Variants in CHN1 observed in about 807,000 individuals in gnomAD.
The protein encoded by CHN1 is N-chimaerin.
In CHN1, 37 loss-of-function variants were observed where a neutral mutation model predicts 59.5. The ratio of observed to expected loss-of-function variants is 0.62; its 90% CI spans 0.48 to 0.82. The LOEUF (loss-of-function observed/expected upper bound fraction) is 0.82, where lower values mean the gene tolerates loss of function less well. Ranked by LOEUF, CHN1 falls within the 40% of genes least tolerant of loss-of-function variation. The pLI, the probability that CHN1 is intolerant of heterozygous loss-of-function variation, is 0.00. For synonymous variants in CHN1, 206 were observed against 200.4 expected, an observed-to-expected ratio of 1.03 and a Z score of -0.24; for missense variants, 469 against 571.0, an observed-to-expected ratio of 0.82 and a Z score of 1.82.
intron 3 of CHN1, among the ~76,000 whole-genome samples, chr2:174,924,471 TC>T (rs1406274467): frequency 6.6e-6 from 1 of 152,160 alleles, no homozygotes. Flanking sequence ...TTCTGTGAGA[TC>T]CCCCTCTCCA....
At chr2:174,885,055 A>C (rs1212601327) in intron 5 of CHN1, among the ~76,000 whole-genome samples, 1 of 151,958 alleles carries the variant, frequency 6.6e-6, no homozygotes, top group Non-Finnish European at 1.5e-5. Flanking sequence ...TGGGAGGCCA[A>C]GGTGGGCGGA....
At chr2:174,815,654 T>C (rs993049566) in intron 8 of CHN1, among the ~76,000 whole-genome samples, 2 of 151,954 alleles carry the variant, frequency 1.3e-5, no homozygotes, top group Non-Finnish European at 2.9e-5. Flanking sequence ...ATTTTTATGA[T>C]AGCTGCTTTT....
At chr2:174,939,235 T>C (rs888949286) in intron 3 of CHN1, among the ~76,000 whole-genome samples, 5 of 152,208 alleles carry the variant, frequency 3.3e-5, no homozygotes, top group Non-Finnish European at 5.9e-5. Context: ...TCAAGGTGAA[T>C]CATCAGAAAG....
intron 6 of CHN1, among the ~76,000 whole-genome samples, chr2:174,858,050 C>T (rs1686960379): frequency 6.6e-6 from 1 of 151,960 alleles, no homozygotes; most frequent in Non-Finnish European, 1.5e-5. Flanking sequence ...TCAGCAAACA[C>T]TCTATACTCA....
chr2:174,895,198 G>GTATATA (rs373448897), intron 5 of CHN1, among the ~76,000 whole-genome samples: 38 of 141,132 alleles, frequency 2.7e-4, no homozygotes, highest in Non-Finnish European at 4.8e-4. Flanking sequence ...GTGTGTGTGT[G>GTATATA]TATATATATA....
Position 174,878,146 on chromosome 2 carries a change from G to A in CHN1, c.261-18C>T. 2 of 1,497,652 alleles carry A rather than the reference G, an allele frequency of 1.3e-6. No individual in the cohort carries two copies. The highest frequency in any genetic ancestry group is 1.8e-6 in the Non-Finnish European group (2 of 1,120,682). The allele number at this position is 1,497,652 out of a possible 1,614,324, so 92.8% of individuals were successfully genotyped here. On this transcript the variant is annotated intron_variant, in intron 5 of 12. Transcript: ENST00000409900. ...TTCCAAATCTGCCTCAATGAAATGG[G>A]AAAGATGTTTTTAAGAAAAGTAAGC...
chr2:174,993,619 T>TA (rs1166867877), intron 1 of CHN1, among the ~76,000 whole-genome samples: 238 of 90,810 alleles, frequency 2.6e-3, no homozygotes, highest in South Asian at 3.9e-3. Context: ...GTACCAAAAC[T>TA]AAAAAAAAAA....
chr2:174,878,404 T>C (rs940896838), intron 5 of CHN1, among the ~76,000 whole-genome samples: 3 of 152,238 alleles, frequency 2.0e-5, no homozygotes, highest in African/African-American at 4.8e-5. Flanking sequence ...CACTTTATTA[T>C]ACCTGTGGAA....
intron 3 of CHN1, among the ~76,000 whole-genome samples, chr2:174,942,956 T>C (rs1356340552): frequency 6.6e-6 from 1 of 151,466 alleles, no homozygotes; most frequent in African/African-American, 2.4e-5. Flanking sequence ...GAGGCAGAGG[T>C]AGGAGTATCA....
intron 7 of CHN1, among the ~76,000 whole-genome samples, chr2:174,829,483 T>A (rs961370947): frequency 2.6e-5 from 4 of 152,254 alleles, no homozygotes; most frequent in African/African-American, 9.6e-5. Flanking sequence ...TTTACAGCAT[T>A]CATATCTCCA....
intron 6 of CHN1, among the ~76,000 whole-genome samples, chr2:174,860,962 A>G (rs918509553): frequency 6.6e-6 from 1 of 152,192 alleles, no homozygotes; most frequent in Admixed American, 6.5e-5. Flanking sequence ...GAAATAATAC[A>G]GACAGGGAGC....
Position 175,005,277 on chromosome 2 carries a change from G to A in CHN1, c.-365C>T, listed in dbSNP as rs1460113091. 3 of 1,169,230 alleles carry A rather than the reference G, an allele frequency of 2.6e-6. No individual in the cohort carries two copies. Among genetic ancestry groups the A allele is most frequent in the Admixed American group, 4.8e-5 (1 of 20,990 alleles). 72.4% of individuals were successfully genotyped at this position (1,169,230 alleles called of 1,614,324 possible). A position where few individuals can be genotyped will look rare whatever the true frequency, so the allele number is the denominator to read the frequency against. On this transcript the variant is annotated 5_prime_UTR_variant, in exon 1 of 13. Transcript: ENST00000409900. ...CGGCGCCGCACTGGCGGCGGCGGCG[G>A]CGGCGACGGGGAGAGCAGCAGCAGC...
At chr2:174,948,123 A>G (rs1473991681) in intron 2 of CHN1, among the ~76,000 whole-genome samples, 6 of 152,186 alleles carry the variant, frequency 3.9e-5, no homozygotes, top group Non-Finnish European at 7.3e-5. Context: ...AAAGATCACA[A>G]ATTGGTATCT....
At chr2:174,970,025 C>T (rs1690712085) in intron 1 of CHN1, among the ~76,000 whole-genome samples, 1 of 152,138 alleles carries the variant, frequency 6.6e-6, no homozygotes, top group East Asian at 1.9e-4. Flanking sequence ...AAAGCAGTGG[C>T]AATTAGGCTG....
intron 6 of CHN1, among the ~76,000 whole-genome samples, chr2:174,866,039 A>G (rs1299639973): frequency 6.6e-6 from 1 of 152,222 alleles, no homozygotes; most frequent in Non-Finnish European, 1.5e-5. Flanking sequence ...CCCATTAAAA[A>G]GTTGGTTATT....
chr2:174,878,193 AAAAC>A, intron 5 of CHN1, 65 bp from the exon 6 acceptor site: 6 of 1,375,580 alleles, frequency 4.4e-6, no homozygotes, highest in African/African-American at 4.4e-5. Context: ...TTCTGAAAAA[AAAAC>A]AAAAACAAAA....
intron 1 of CHN1, among the ~76,000 whole-genome samples, chr2:174,994,220 A>G (rs916307605): frequency 4.6e-5 from 7 of 152,244 alleles, no homozygotes; most frequent in African/African-American, 1.7e-4. Context: ...ACAGAATTTG[A>G]TCCAGAGAGA....
In CHN1 at chr2:174,824,428, T is replaced by G; in HGVS notation, c.712+6A>C. The stretch of plus-strand genomic sequence containing the variant: ...CTCAATCCAGAGACAAGACAAGAGC[T>G]CTTACCTGCACATTTCACTCCCTGA... On this transcript the variant is annotated splice_donor_region_variant and intron_variant, in intron 8 of 12. Transcript: ENST00000409900. 1 of 1,596,124 alleles carries G rather than the reference T, an allele frequency of 6.3e-7. No individual in the cohort carries two copies. Among genetic ancestry groups the G allele is most frequent in the Non-Finnish European group, 8.5e-7 (1 of 1,170,618 alleles).
intron 11 of CHN1, among the ~76,000 whole-genome samples, chr2:174,803,857 GTT>G (rs1398864427): frequency 6.6e-6 from 1 of 152,114 alleles, no homozygotes; most frequent in Non-Finnish European, 1.5e-5. Context: ...CGCAGCTCTA[GTT>G]TTTACTACAG....
Sources: gnomAD v4.1 joint callset for allele counts (sites outside exome capture counted in the v4.1 genomes callset) on GRCh38, gnomAD v4.1.1 for gene constraint, MANE v1.5 for transcripts, NCBI Gene and HGNC (gene_info 2026-07-23, HGNC 2026-07-21) for gene names.